GPC6: variants seen among roughly 807,000 people sequenced by gnomAD.
GPC6 encodes glypican-6.
GPC6 carries 14 observed loss-of-function variants against 55.2 expected under a neutral mutation model. The ratio of observed to expected loss-of-function variants is 0.25; its 90% CI spans 0.17 to 0.40. GPC6 has a LOEUF of 0.40. GPC6 is among the 10% of genes least tolerant of loss of function. GPC6 has a pLI of 1.00. For missense variants in GPC6, 641 were observed against 708.5 expected, an observed-to-expected ratio of 0.90 and a Z score of 1.08; for synonymous variants, 278 against 259.6, an observed-to-expected ratio of 1.07 and a Z score of -0.68.
chr13:93,641,660 A>G (rs577484294), intron 2 of GPC6, among the ~76,000 whole-genome samples: 14 of 152,136 alleles, frequency 9.2e-5, no homozygotes, highest in East Asian at 5.8e-4. Context: ...CTGGGTCACA[A>G]ATTGAATCAA....
At chr13:93,791,122 T>C (rs910906503) in intron 2 of GPC6, among the ~76,000 whole-genome samples, 3 of 152,170 alleles carry the variant, frequency 2.0e-5, no homozygotes, top group Non-Finnish European at 4.4e-5. Flanking sequence ...TAGTGATTCA[T>C]TCATCGATGA....
intron 1 of GPC6, among the ~76,000 whole-genome samples, chr13:93,299,333 T>C (rs1301530202): frequency 6.6e-6 from 1 of 152,214 alleles, no homozygotes; most frequent in Non-Finnish European, 1.5e-5. Context: ...TGCAGAGCAA[T>C]GTAATATATT....
intron 2 of GPC6, among the ~76,000 whole-genome samples, chr13:93,580,467 T>A (rs1876884430): frequency 6.6e-6 from 1 of 152,232 alleles, no homozygotes; most frequent in Non-Finnish European, 1.5e-5. Flanking sequence ...ATTATACACA[T>A]AGCAGGTGTC....
intron 1 of GPC6, among the ~76,000 whole-genome samples, chr13:93,543,794 C>T (rs182760250): frequency 2.0e-5 from 3 of 152,082 alleles, no homozygotes; most frequent in Admixed American, 1.3e-4. Context: ...GGGATGCAAA[C>T]GTCTCTTTGA....
At chr13:93,463,749 T>G (rs1878796819) in intron 1 of GPC6, among the ~76,000 whole-genome samples, 1 of 151,942 alleles carries the variant, frequency 6.6e-6, no homozygotes, top group Non-Finnish European at 1.5e-5. Context: ...GCTCCACTTT[T>G]TTTTTTTTCT....
At chr13:93,433,046 A>G (rs1877428594) in intron 1 of GPC6, among the ~76,000 whole-genome samples, 1 of 152,164 alleles carries the variant, frequency 6.6e-6, no homozygotes, top group African/African-American at 2.4e-5. Flanking sequence ...TCACTTAGAA[A>G]AATGTTTGTG....
chr13:94,322,552 G>A (rs1344495517), intron 6 of GPC6, among the ~76,000 whole-genome samples: 2 of 151,942 alleles, frequency 1.3e-5, no homozygotes, highest in African/African-American at 4.8e-5. Flanking sequence ...GGTGATTACT[G>A]TTTTCAGCCC....
chr13:93,507,229 A>G (rs1880771424), intron 1 of GPC6, among the ~76,000 whole-genome samples: 1 of 152,144 alleles, frequency 6.6e-6, no homozygotes, highest in South Asian at 2.1e-4. Flanking sequence ...ATCTACCTGA[A>G]GCTTCGGCCG....
chr13:93,366,613 A>G (rs2139185499), intron 1 of GPC6, among the ~76,000 whole-genome samples: 1 of 152,170 alleles, frequency 6.6e-6, no homozygotes. Context: ...TTTACAGTTT[A>G]TTTTTGATAA....
At chr13:94,022,194 T>G (rs9589881) in intron 3 of GPC6, among the ~76,000 whole-genome samples, 20,467 of 152,018 alleles carry the variant, frequency 0.13, 1,617 homozygotes, top group East Asian at 0.32. Context: ...AATTGTTCAT[T>G]CTACATAATT....
intron 2 of GPC6, among the ~76,000 whole-genome samples, chr13:93,668,766 T>G (rs1206399585): frequency 6.6e-6 from 1 of 152,184 alleles, no homozygotes; most frequent in Non-Finnish European, 1.5e-5. Context: ...CTTTTGGCTT[T>G]CTGAAAAGAG....
At chr13:93,672,516 AT>A (rs1215046611) in intron 2 of GPC6, among the ~76,000 whole-genome samples, 2 of 151,638 alleles carry the variant, frequency 1.3e-5, no homozygotes, top group African/African-American at 2.4e-5. Context: ...TAAAAATTGG[AT>A]TTTTTTCTCT....
intron 4 of GPC6, among the ~76,000 whole-genome samples, chr13:94,148,846 C>T (rs565300403): frequency 6.6e-6 from 1 of 152,154 alleles, no homozygotes; most frequent in East Asian, 1.9e-4. Flanking sequence ...GGGATTTAAC[C>T]TCTTAGAGTT....
intron 1 of GPC6, among the ~76,000 whole-genome samples, chr13:93,368,525 A>G (rs901760203): frequency 3.9e-5 from 6 of 151,948 alleles, no homozygotes; most frequent in African/African-American, 1.2e-4. Flanking sequence ...GTCCTCAAAG[A>G]CATGGATTTC....
chr13:94,018,210 C>A (rs998317124), intron 3 of GPC6, among the ~76,000 whole-genome samples: 16 of 151,536 alleles, frequency 1.1e-4, no homozygotes, highest in African/African-American at 3.9e-4. Context: ...TTACTAGACA[C>A]GTATTATATT....
At chr13:93,764,313 G>A (rs987072153) in intron 2 of GPC6, among the ~76,000 whole-genome samples, 31 of 151,790 alleles carry the variant, frequency 2.0e-4, no homozygotes, top group African/African-American at 7.3e-4. Flanking sequence ...AGGAAGTGAT[G>A]TGTTTGTAAT....
At chr13:93,744,333 C>A (rs1284300643) in intron 2 of GPC6, among the ~76,000 whole-genome samples, 1 of 152,082 alleles carries the variant, frequency 6.6e-6, no homozygotes, top group Admixed American at 6.5e-5. Context: ...TACCCATGAA[C>A]TGCTGCCTTC....
chr13:93,515,477 G>A (rs562666190), intron 1 of GPC6, among the ~76,000 whole-genome samples: 45 of 152,222 alleles, frequency 3.0e-4, no homozygotes, highest in Middle Eastern at 3.4e-3. Flanking sequence ...TTTTGGAGAT[G>A]GATTGGAGCT....
intron 2 of GPC6, among the ~76,000 whole-genome samples, chr13:93,805,449 G>A (rs1886514625): frequency 6.6e-6 from 1 of 151,952 alleles, no homozygotes; most frequent in Admixed American, 6.6e-5. Flanking sequence ...TAATGTTTGG[G>A]GGAATCATAT....
Sources: gnomAD v4.1 joint callset for allele counts (sites outside exome capture counted in the v4.1 genomes callset) on GRCh38, gnomAD v4.1.1 for gene constraint, MANE v1.5 for transcripts, NCBI Gene and HGNC (gene_info 2026-07-23, HGNC 2026-07-21) for gene names.